CHORDC1: variants seen among roughly 807,000 people sequenced by gnomAD.
CHORDC1 encodes the protein cysteine and histidine-rich domain-containing protein 1.
In CHORDC1, 25 loss-of-function variants were observed where a neutral mutation model predicts 48.3. The ratio of observed to expected loss-of-function variants is 0.52; its 90% CI spans 0.38 to 0.72. CHORDC1 has a LOEUF of 0.72. Ranked by LOEUF, CHORDC1 falls within the 30% of genes least tolerant of loss-of-function variation. The pLI is 0.00. For synonymous variants in CHORDC1, 128 were observed against 126.4 expected, an observed-to-expected ratio of 1.01 and a Z score of -0.09; for missense variants, 317 against 388.7, an observed-to-expected ratio of 0.82 and a Z score of 1.55.
At position 90,206,384 on chromosome 11, in the gene CHORDC1, A is replaced by G. The variant is rs1466094174; in HGVS notation, c.493-112T>C. ...AACTTTGCAAAATACTTAAATGACAATTACCTAGAAAATTCATAAATCCAT... is the reference window on the plus strand; with the variant it reads ...AACTTTGCAAAATACTTAAATGACAGTTACCTAGAAAATTCATAAATCCAT... On this transcript the variant is annotated intron_variant, in intron 6 of 10. Transcript: ENST00000320585. 3 of 648,406 alleles carry G rather than the reference A, an allele frequency of 4.6e-6. No homozygotes were observed. The African/African-American group carries it at 5.5e-5, about 12-fold the overall frequency. The allele number at this position is 648,406 out of a possible 1,614,324, so 40.2% of individuals were successfully genotyped here. A position where few individuals can be genotyped will look rare whatever the true frequency, so the allele number is the denominator to read the frequency against.
Position 90,200,709 on chromosome 11 carries a change from A to G in CHORDC1, c.*1696T>C, listed in dbSNP as rs1475625710. On this transcript the variant is annotated 3_prime_UTR_variant, in exon 11 of 11. Coordinates refer to ENST00000320585, the MANE Select transcript of CHORDC1 (RefSeq NM_012124.3). Reference sequence around the variant, plus strand: ...ATGTAACTAATCTGAGGTTACAATAACTCACTGCTTCAAATAATATTTCAA... The same window carrying G: ...ATGTAACTAATCTGAGGTTACAATAGCTCACTGCTTCAAATAATATTTCAA... 6.6e-6 allele frequency among the ~76,000 whole-genome samples: 1 copy of G among 151,960 alleles called. No homozygotes were observed. Among genetic ancestry groups the G allele is most frequent in the Non-Finnish European group, 1.5e-5 (1 of 67,840 alleles).
intron 1 of CHORDC1, among the ~76,000 whole-genome samples, chr11:90,219,188 T>A (rs114453807): frequency 2.3e-3 from 349 of 152,134 alleles, no homozygotes; most frequent in African/African-American, 7.9e-3. Context: ...CGCTTGAACT[T>A]GGGAAGCAGA....
At chr11:90,213,475 C>A in intron 4 of CHORDC1, 1 of 668,820 alleles carries the variant, frequency 1.5e-6, no homozygotes, top group Non-Finnish European at 2.7e-6. Flanking sequence ...GTCTGGTTAT[C>A]AGAAGGCAAG....
At chr11:90,218,214 A>G (rs1033699064) in intron 1 of CHORDC1, 30 bp from the exon 2 acceptor site, 43 of 1,504,524 alleles carry the variant, frequency 2.9e-5, no homozygotes, top group Admixed American at 8.9e-5. Context: ...AAAAAAAAGT[A>G]CCACTCTTTA....
intron 4 of CHORDC1, chr11:90,212,470 T>C (rs2135044671): frequency 1.3e-5 from 2 of 152,228 alleles, no homozygotes; most frequent in Middle Eastern, 6.8e-3. Flanking sequence ...AATGGACTAA[T>C]ACAGTCATAG....
At position 90,205,229 on chromosome 11, in the gene CHORDC1, T is replaced by C. The variant is rs188866601; in HGVS notation, c.669+231A>G. Among the ~76,000 whole-genome samples, 210 of 152,338 alleles carry C rather than the reference T, an allele frequency of 1.4e-3. 3 individuals are homozygous for C. The highest frequency in any genetic ancestry group is 4.7e-3 in the African/African-American group (195 of 41,572). ...TCTTCAATTTTGTCAGGCTTAAGTA[T>C]TTCACAAAACCTCACATGCTTGCAT... On this transcript the variant is annotated intron_variant, in intron 8 of 10. Transcript: ENST00000320585.
intron 4 of CHORDC1, chr11:90,212,203 G>A (rs1184807913): frequency 1.3e-5 from 2 of 152,116 alleles, no homozygotes; most frequent in Non-Finnish European, 2.9e-5. Flanking sequence ...ATCTCCACAT[G>A]GTGTGTGACA....
chr11:90,221,206 A>T (rs1378937036), intron 1 of CHORDC1, among the ~76,000 whole-genome samples: 1 of 152,198 alleles, frequency 6.6e-6, no homozygotes, highest in Non-Finnish European at 1.5e-5. Flanking sequence ...TATTTCTGTC[A>T]ACTGTACAAG....
chr11:90,222,578 G>A (rs1464083004), intron 1 of CHORDC1: 5 of 595,568 alleles, frequency 8.4e-6, no homozygotes, highest in South Asian at 4.6e-5. Flanking sequence ...GGAGAAACGT[G>A]TTCGTTCTAA....
chr11:90,205,058 G>A (rs1383093682), intron 8 of CHORDC1, among the ~76,000 whole-genome samples: 1 of 151,990 alleles, frequency 6.6e-6, no homozygotes, highest in Non-Finnish European at 1.5e-5. Context: ...TTGTGCATCT[G>A]TAAATGATTG....
At chr11:90,217,339 T>C (rs1858038120) in intron 2 of CHORDC1, among the ~76,000 whole-genome samples, 1 of 150,792 alleles carries the variant, frequency 6.6e-6, no homozygotes, top group African/African-American at 2.4e-5. Flanking sequence ...GCATCATCTT[T>C]TGAGATATAC....
intron 8 of CHORDC1, among the ~76,000 whole-genome samples, chr11:90,204,449 G>A (rs1028567033): frequency 2.6e-5 from 4 of 152,112 alleles, no homozygotes; most frequent in Non-Finnish European, 4.4e-5. Flanking sequence ...GGCCAGGCGC[G>A]GTGGCTCACG....
intron 6 of CHORDC1, chr11:90,207,781 A>AAG (rs1857741974): frequency 6.7e-6 from 1 of 149,538 alleles, no homozygotes; most frequent in African/African-American, 2.4e-5. Context: ...AAAAAAAACA[A>AAG]AAAAAACTCG....
At chr11:90,222,081 C>T (rs1172929227) in intron 1 of CHORDC1, among the ~76,000 whole-genome samples, 1 of 152,170 alleles carries the variant, frequency 6.6e-6, no homozygotes. Context: ...TCTCACGATA[C>T]GCAAGGAATC....
At chr11:90,218,819 C>A (rs1433516375) in intron 1 of CHORDC1, among the ~76,000 whole-genome samples, 3 of 152,102 alleles carry the variant, frequency 2.0e-5, no homozygotes, top group African/African-American at 4.8e-5. Context: ...CTCTGCCTGG[C>A]GGCAGCCCTG....
At chr11:90,221,778 T>C (rs1858178610) in intron 1 of CHORDC1, among the ~76,000 whole-genome samples, 1 of 152,200 alleles carries the variant, frequency 6.6e-6, no homozygotes, top group African/African-American at 2.4e-5. Flanking sequence ...TAAAACTCTG[T>C]ATCAATGGTC....
chr11:90,223,035 A>G lies in CHORDC1; in HGVS notation c.-81T>C, dbSNP rs1858223301. ...CGTTTGCCACTCCCGTGTCGCTAGC[A>G]CCGGTCTGACGACTGAGGCGGCTAC... On this transcript the variant is annotated 5_prime_UTR_variant, in exon 1 of 11. Coordinates refer to ENST00000320585, the MANE Select transcript of CHORDC1 (RefSeq NM_012124.3). The G allele has an allele frequency of 8.0e-7, 1 of 1,255,754 alleles. No homozygotes were observed. The highest frequency in any genetic ancestry group is 1.2e-6 in the Non-Finnish European group (1 of 865,172). 77.8% of individuals were successfully genotyped at this position (1,255,754 alleles called of 1,614,324 possible).
intron 1 of CHORDC1, among the ~76,000 whole-genome samples, chr11:90,221,976 G>C (rs1858182989): frequency 6.6e-6 from 1 of 152,144 alleles, no homozygotes; most frequent in East Asian, 1.9e-4. Flanking sequence ...TGCGTCCCAG[G>C]GTGGTTATGA....
rs1429543643 is a variant in CHORDC1 at position 90,217,684 on chromosome 11, G to C, written c.114+451C>G. On this transcript the variant is annotated intron_variant, in intron 2 of 10. Transcript: ENST00000320585. ...GGAGGCTGAGGCAGGTGGATCATCT[G>C]AGGTCAGGAGTTCGAGACCAGCCTG... 3 of 152,352 alleles carry C rather than the reference G, an allele frequency of 2.0e-5. No homozygotes were observed. In the East Asian group the frequency reaches 5.8e-4, roughly 29 times the overall value. The allele number at this position is 152,352 out of a possible 1,614,324, so 9.4% of individuals were successfully genotyped here.
Sources: allele counts gnomAD v4.1 joint callset (sites outside exome capture counted in the v4.1 genomes callset), GRCh38; gene constraint gnomAD v4.1.1; transcripts MANE v1.5; gene names NCBI Gene and HGNC (gene_info 2026-07-23, HGNC 2026-07-21).